CDK14: variants seen among roughly 807,000 people sequenced by gnomAD.
The protein encoded by CDK14 is cyclin dependent kinase 14.
CDK14 carries 34 observed loss-of-function variants against 60.7 expected under a neutral mutation model. The ratio of observed to expected loss-of-function variants is 0.56; its 90% confidence interval spans 0.43 to 0.75. CDK14 has a LOEUF of 0.75. Ranked by LOEUF, CDK14 falls within the 30% of genes least tolerant of loss-of-function variation. The probability of loss-of-function intolerance (pLI) is 0.00; values close to 1 mark genes in which losing one functional copy is unlikely to be tolerated. For synonymous variants in CDK14, 197 were observed against 203.7 expected (o/e 0.97, Z 0.28); for missense variants, 482 against 564.1 (o/e 0.85, Z 1.47).
chr7:90,596,898 C>A (rs921739192), intron 1 of CDK14, among the ~76,000 whole-genome samples, 180 bp downstream of exon 1: 1 of 152,132 alleles, frequency 6.6e-6, no homozygotes, highest in Non-Finnish European at 1.5e-5. Flanking sequence ...AGGAAAGAGA[C>A]CCCTCTTCCT....
intron 10 of CDK14, among the ~76,000 whole-genome samples, chr7:90,996,987 C>CT (rs1228375371): frequency 4.6e-5 from 7 of 152,194 alleles, no homozygotes; most frequent in African/African-American, 1.7e-4. Flanking sequence ...ACTTCTGTGT[C>CT]TAAGTATCTG....
At chr7:90,917,795 T>TC in intron 8 of CDK14, 71 bp downstream of exon 8, 1 of 1,468,856 alleles carries the variant, frequency 6.8e-7, no homozygotes, top group Non-Finnish European at 9.4e-7. Context: ...TGGCACTGCA[T>TC]TTGTTTAGGT....
intron 6 of CDK14, among the ~76,000 whole-genome samples, chr7:90,885,619 T>C (rs1181386223): frequency 6.6e-6 from 1 of 152,186 alleles, no homozygotes; most frequent in African/African-American, 2.4e-5. Context: ...TGTACACATA[T>C]GTTTATTGCA....
At chr7:90,864,384 T>G (rs1257347438) in intron 6 of CDK14, among the ~76,000 whole-genome samples, 1 of 152,174 alleles carries the variant, frequency 6.6e-6, no homozygotes, top group Non-Finnish European at 1.5e-5. Flanking sequence ...TAATCCATGA[T>G]TTTTGAGTTA....
intron 12 of CDK14, among the ~76,000 whole-genome samples, chr7:91,084,850 A>G (rs890809351): frequency 1.3e-5 from 2 of 152,176 alleles, no homozygotes; most frequent in Admixed American, 6.5e-5. Context: ...CACGCTTACG[A>G]TGCGGCTAAT....
At chr7:90,814,385 T>G (rs1462586720) in intron 5 of CDK14, among the ~76,000 whole-genome samples, 2 of 152,174 alleles carry the variant, frequency 1.3e-5, no homozygotes, top group Non-Finnish European at 2.9e-5. Flanking sequence ...GAGCTTTTTT[T>G]TAAAAAAATT....
chr7:91,049,357 C>T (rs1043230281), intron 11 of CDK14, among the ~76,000 whole-genome samples: 1 of 152,124 alleles, frequency 6.6e-6, no homozygotes, highest in South Asian at 2.1e-4. Flanking sequence ...AAAAGAAAAG[C>T]CCATGGTGTT....
intron 12 of CDK14, among the ~76,000 whole-genome samples, chr7:91,091,363 T>TAC (rs1487618920): frequency 1.4e-5 from 2 of 144,854 alleles, no homozygotes; most frequent in Non-Finnish European, 1.5e-5. Context: ...AAATTATATA[T>TAC]ACATATATAC....
At chr7:91,111,593 C>A (rs1799469555) in intron 12 of CDK14, among the ~76,000 whole-genome samples, 1 of 152,158 alleles carries the variant, frequency 6.6e-6, no homozygotes, top group Non-Finnish European at 1.5e-5. Context: ...ACTTGCTACC[C>A]AAGTGATCCA....
chr7:91,036,799 C>T (rs989743916), intron 10 of CDK14, among the ~76,000 whole-genome samples: 1 of 152,036 alleles, frequency 6.6e-6, no homozygotes, highest in Non-Finnish European at 1.5e-5. Flanking sequence ...TTTGGGAGAG[C>T]CAAGAGTTTT....
chr7:90,615,751 CAA>C (rs1196164044), intron 2 of CDK14, among the ~76,000 whole-genome samples: 1 of 151,860 alleles, frequency 6.6e-6, no homozygotes, highest in East Asian at 1.9e-4. Flanking sequence ...AACGGATTTT[CAA>C]AAAAGGAGAT....
intron 8 of CDK14, among the ~76,000 whole-genome samples, chr7:90,931,021 AGTT>A (rs1318513435): frequency 6.6e-6 from 1 of 152,230 alleles, no homozygotes; most frequent in African/African-American, 2.4e-5. Flanking sequence ...GCTTTCAAGT[AGTT>A]CTGATTTTTA....
chr7:90,856,596 T>C (rs1316454517), intron 5 of CDK14, among the ~76,000 whole-genome samples: 1 of 152,296 alleles, frequency 6.6e-6, no homozygotes, highest in Non-Finnish European at 1.5e-5. Flanking sequence ...TGCTAGACTG[T>C]CTCCTCATTA....
chr7:90,652,419 A>G (rs1800663418), intron 2 of CDK14, among the ~76,000 whole-genome samples: 2 of 152,156 alleles, frequency 1.3e-5, no homozygotes. Flanking sequence ...TTCTACTTTT[A>G]TTAGAGGAGT....
In CDK14 at chr7:91,051,524, G is replaced by A. The variant is rs533350818; in HGVS notation, c.1105+5564G>A. 2.0e-5 allele frequency among the ~76,000 whole-genome samples: 3 copies of A among 152,190 alleles called. No homozygotes were observed. The East Asian group carries it at 5.8e-4, about 29-fold the overall frequency. ...GTCTCCCTCACTCTCTCATTCCAGAGTGTTTCCTTTTGTCACTGTGTTCAG... is the reference window on the plus strand; with the variant it reads ...GTCTCCCTCACTCTCTCATTCCAGAATGTTTCCTTTTGTCACTGTGTTCAG... On this transcript the variant is annotated intron_variant, in intron 11 of 14. Transcript: ENST00000380050.
chr7:91,063,314 A>G (rs1584279747), intron 11 of CDK14, among the ~76,000 whole-genome samples: 2 of 152,362 alleles, frequency 1.3e-5, no homozygotes, highest in Admixed American at 1.3e-4. Flanking sequence ...TTCGTTTCCA[A>G]TACTTAAGAT....
intron 2 of CDK14, among the ~76,000 whole-genome samples, chr7:90,675,975 A>G (rs1425271004): frequency 3.3e-5 from 5 of 152,232 alleles, no homozygotes; most frequent in Non-Finnish European, 5.9e-5. Context: ...TTAGCAAACT[A>G]CAGTTCATCA....
chr7:90,986,145 A>G (rs996050009), intron 10 of CDK14, among the ~76,000 whole-genome samples: 7 of 152,106 alleles, frequency 4.6e-5, no homozygotes, highest in Non-Finnish European at 8.8e-5. Context: ...ACACCTTTCA[A>G]TGAAAAATAA....
intron 2 of CDK14, among the ~76,000 whole-genome samples, chr7:90,715,252 T>G (rs1354523054): frequency 6.6e-6 from 1 of 152,062 alleles, no homozygotes; most frequent in African/African-American, 2.4e-5. Flanking sequence ...AGAAGGCACT[T>G]GAGACTGTCT....
Sources: allele counts gnomAD v4.1 joint callset (sites outside exome capture counted in the v4.1 genomes callset), GRCh38; gene constraint gnomAD v4.1.1; transcripts MANE v1.5; gene names NCBI Gene and HGNC (gene_info 2026-07-23, HGNC 2026-07-21).